Variants in ARHGAP10 observed in about 807,000 individuals in gnomAD.
ARHGAP10 encodes Rho GTPase activating protein 10.
Under a neutral mutation model 108.6 loss-of-function variants are expected in ARHGAP10, and 87 were observed. The ratio of observed to expected loss-of-function variants is 0.80; its 90% CI spans 0.67 to 0.96. The LOEUF is 0.96. ARHGAP10 is among the 40% of genes least tolerant of loss of function. The pLI, the probability that ARHGAP10 is intolerant of heterozygous loss-of-function variation, is 0.00. For synonymous variants in ARHGAP10, 347 were observed against 341.1 expected, an observed-to-expected ratio of 1.02 and a Z score of -0.19; for missense variants, 939 against 954.5, an observed-to-expected ratio of 0.98 and a Z score of 0.21.
Position 147,928,245 on chromosome 4 carries a change from C to T in ARHGAP10, c.1229-11580C>T, listed in dbSNP as rs569854194. 3.7e-4 allele frequency among the ~76,000 whole-genome samples: 57 copies of T among 152,238 alleles called. 1 individual carries two copies. Among genetic ancestry groups the T allele is most frequent in the African/African-American group, 1.3e-3 (55 of 41,550 alleles). ...TACTTCCAAAAATACGGGTTTAGAC[C>T]CAGAAGTGAGTATTTGCTTTGCACT... On this transcript the variant is annotated intron_variant, in intron 13 of 22. Coordinates refer to ENST00000336498, the MANE Select transcript of ARHGAP10 (RefSeq NM_024605.4).
chr4:148,015,751 T>C (rs1349826863), intron 18 of ARHGAP10, among the ~76,000 whole-genome samples: 1 of 152,202 alleles, frequency 6.6e-6, no homozygotes, highest in Non-Finnish European at 1.5e-5. Flanking sequence ...CAGGGTTTGC[T>C]TAAACCTGTA....
chr4:148,000,233 C>T (rs1312608947), intron 18 of ARHGAP10, among the ~76,000 whole-genome samples: 1 of 152,102 alleles, frequency 6.6e-6, no homozygotes, highest in Non-Finnish European at 1.5e-5. Context: ...CAGCTTCATC[C>T]ATGTCCCTAC....
intron 18 of ARHGAP10, among the ~76,000 whole-genome samples, chr4:148,020,768 T>TCTTTATAACA (rs1741538510): frequency 6.6e-6 from 1 of 152,204 alleles, no homozygotes; most frequent in Non-Finnish European, 1.5e-5. Flanking sequence ...CGTGCGTGTA[T>TCTTTATAACA]CTTTATAACA....
At chr4:147,924,431 TGAA>T (rs1199354922) in intron 13 of ARHGAP10, among the ~76,000 whole-genome samples, 1 of 152,200 alleles carries the variant, frequency 6.6e-6, no homozygotes, top group Non-Finnish European at 1.5e-5. Flanking sequence ...AGAATAGAAA[TGAA>T]GAAAATTAAT....
chr4:147,868,234 GT>G (rs888977682), intron 7 of ARHGAP10, among the ~76,000 whole-genome samples: 2 of 144,690 alleles, frequency 1.4e-5, no homozygotes, highest in Non-Finnish European at 3.0e-5. Context: ...ATGTTGTTGA[GT>G]TTTTTTTGTT....
intron 1 of ARHGAP10, among the ~76,000 whole-genome samples, chr4:147,747,219 A>T (rs1264722399): frequency 6.6e-6 from 1 of 151,326 alleles, no homozygotes; most frequent in African/African-American, 2.4e-5. Context: ...AGTCATGCTG[A>T]TTCTCTTTGG....
chr4:147,831,935 A>T (rs901448632), intron 3 of ARHGAP10, among the ~76,000 whole-genome samples: 13 of 152,148 alleles, frequency 8.5e-5, no homozygotes, highest in Non-Finnish European at 1.8e-4. Context: ...TTGGTGACTC[A>T]TTATCATCTG....
At chr4:148,057,091 G>A (rs1386663068) in intron 20 of ARHGAP10, among the ~76,000 whole-genome samples, 1 of 152,148 alleles carries the variant, frequency 6.6e-6, no homozygotes, top group African/African-American at 2.4e-5. Context: ...CAACCTCTGG[G>A]GGGCACTCGT....
At chr4:147,992,706 GAAAAAGCCTTTTAAT>G (rs1029485945) in intron 18 of ARHGAP10, among the ~76,000 whole-genome samples, 8 of 152,072 alleles carry the variant, frequency 5.3e-5, no homozygotes, top group African/African-American at 1.9e-4. Flanking sequence ...GCACCTGGCC[GAAAAAGCCTTTTAAT>G]AAAAAGGTTT....
intron 1 of ARHGAP10, among the ~76,000 whole-genome samples, chr4:147,770,209 A>C (rs534294405): frequency 6.6e-6 from 1 of 152,170 alleles, no homozygotes; most frequent in Non-Finnish European, 1.5e-5. Flanking sequence ...TTGCTGATAC[A>C]GTAGTATTTG....
chr4:148,056,714 C>G (rs757988646), intron 20 of ARHGAP10, among the ~76,000 whole-genome samples: 1 of 152,202 alleles, frequency 6.6e-6, no homozygotes, highest in Non-Finnish European at 1.5e-5. Flanking sequence ...AAGCTCAAAT[C>G]CAGGATGCCA....
At chr4:147,932,987 T>A (rs1176235382) in intron 13 of ARHGAP10, among the ~76,000 whole-genome samples, 2 of 152,222 alleles carry the variant, frequency 1.3e-5, no homozygotes, top group African/African-American at 4.8e-5. Flanking sequence ...TTATACTTTT[T>A]CAGCTTCAGG....
chr4:147,950,176 A>C (rs1738539921), intron 15 of ARHGAP10, among the ~76,000 whole-genome samples: 1 of 152,206 alleles, frequency 6.6e-6, no homozygotes, highest in Non-Finnish European at 1.5e-5. Flanking sequence ...ATGCCTTGGG[A>C]GATTTGAAAG....
chr4:147,942,257 A>T (rs1738188905), intron 14 of ARHGAP10, among the ~76,000 whole-genome samples: 1 of 152,146 alleles, frequency 6.6e-6, no homozygotes, highest in Non-Finnish European at 1.5e-5. Context: ...AAATAATTTA[A>T]TTTTTAAGTA....
chr4:147,797,466 G>T, intron 1 of ARHGAP10, among the ~76,000 whole-genome samples: 1 of 152,084 alleles, frequency 6.6e-6, no homozygotes, highest in South Asian at 2.1e-4. Flanking sequence ...AGGCTGGAGT[G>T]CAGTGGCACT....
At chr4:147,982,921 C>T (rs183779479) in intron 18 of ARHGAP10, among the ~76,000 whole-genome samples, 24 of 152,216 alleles carry the variant, frequency 1.6e-4, no homozygotes, top group African/African-American at 5.3e-4. Context: ...CTTACTCTCG[C>T]CCAGGCTGGA....
chr4:147,875,283 A>C, intron 8 of ARHGAP10, 133 bp downstream of exon 8: 1 of 990,610 alleles, frequency 1.0e-6, no homozygotes, highest in Non-Finnish European at 1.4e-6. Flanking sequence ...CCTATCACCT[A>C]ATGGGTGTAT....
intron 8 of ARHGAP10, among the ~76,000 whole-genome samples, chr4:147,878,774 CTT>C (rs11384854): frequency 5.6e-5 from 7 of 124,840 alleles, no homozygotes; most frequent in Non-Finnish European, 8.2e-5. Flanking sequence ...CCTTCTTCCT[CTT>C]TTTTTTTTTT....
At chr4:147,878,103 ATT>A (rs758842456) in intron 8 of ARHGAP10, among the ~76,000 whole-genome samples, 3 of 132,664 alleles carry the variant, frequency 2.3e-5, no homozygotes, top group Non-Finnish European at 3.2e-5. Flanking sequence ...CGCCCAGCTA[ATT>A]TTTTTTTTTT....
Sources: allele counts gnomAD v4.1 joint callset (sites outside exome capture counted in the v4.1 genomes callset), GRCh38; gene constraint gnomAD v4.1.1; transcripts MANE v1.5; gene names NCBI Gene and HGNC (gene_info 2026-07-23, HGNC 2026-07-21).